Variants in DYNLRB2 observed in about 807,000 individuals in gnomAD.
The protein encoded by DYNLRB2 is bithoraxoid-like protein.
Under a neutral mutation model 12.6 loss-of-function variants are expected in DYNLRB2, and 14 were observed. The ratio of observed to expected loss-of-function variants is 1.11; its 90% CI spans 0.73 to 1.73. DYNLRB2 has a LOEUF of 1.73. DYNLRB2 is among the 40% of genes most tolerant of loss of function. The probability of loss-of-function intolerance (pLI) is 0.00; values close to 1 mark genes in which losing one functional copy is unlikely to be tolerated. For missense variants in DYNLRB2, 142 were observed against 117.7 expected, an observed-to-expected ratio of 1.21 and a Z score of -0.95; for synonymous variants, 53 against 37.0, an observed-to-expected ratio of 1.43 and a Z score of -1.57.
At chr16:80,548,594 T>TGCC (rs1904628125) in intron 2 of DYNLRB2, among the ~76,000 whole-genome samples, 4 of 151,844 alleles carry the variant, frequency 2.6e-5, no homozygotes, top group Non-Finnish European at 5.9e-5. Context: ...TGGTGGTGGG[T>TGCC]TCCTCTAATC....
chr16:80,543,783 T>C (rs778584533), intron 2 of DYNLRB2, among the ~76,000 whole-genome samples: 4 of 152,234 alleles, frequency 2.6e-5, no homozygotes, highest in Admixed American at 6.5e-5. Context: ...CATATTTTAT[T>C]TAAAAATCTT....
intron 2 of DYNLRB2, chr16:80,547,910 G>A: frequency 2.3e-6 from 1 of 443,974 alleles, no homozygotes; most frequent in South Asian, 1.6e-5. Context: ...ATACTGTTTA[G>A]CAAAACATTC....
chr16:80,550,490 A>G (rs746711483), intron 3 of DYNLRB2, 25 bp from the exon 4 acceptor site: 93 of 1,613,516 alleles, frequency 5.8e-5, no homozygotes, highest in Non-Finnish European at 7.6e-5. Flanking sequence ...TTAAGGGTGA[A>G]TTGATTTTAT....
chr16:80,542,598 G>T (rs1460030428), intron 1 of DYNLRB2, among the ~76,000 whole-genome samples: 1 of 152,090 alleles, frequency 6.6e-6, no homozygotes. Flanking sequence ...TTTTCTACAG[G>T]GGAAGAAAAC....
At chr16:80,541,111 G>A (rs1904284097) in intron 1 of DYNLRB2, 32 bp downstream of exon 1, 2 of 1,605,182 alleles carry the variant, frequency 1.2e-6, no homozygotes, top group East Asian at 4.5e-5. Flanking sequence ...ACGCCCCGCC[G>A]TTCCAAGCAC....
chr16:80,542,310 T>C (rs1356674023), intron 1 of DYNLRB2, among the ~76,000 whole-genome samples: 1 of 152,224 alleles, frequency 6.6e-6, no homozygotes, highest in African/African-American at 2.4e-5. Context: ...ATAGTATACA[T>C]GGCATTCATA....
At chr16:80,549,427 G>A (rs1185274422) in intron 2 of DYNLRB2, 57 bp from the exon 3 acceptor site, 2 of 1,479,780 alleles carry the variant, frequency 1.4e-6, no homozygotes, top group Admixed American at 4.0e-5. Context: ...CTTCCACACT[G>A]TACTTATTAC....
chr16:80,547,913 A>G (rs1904579400), intron 2 of DYNLRB2: 1 of 444,228 alleles, frequency 2.3e-6, no homozygotes, highest in Non-Finnish European at 4.5e-6. Context: ...CTGTTTAGCA[A>G]AACATTCTGG....
Position 80,541,061 on chromosome 16 carries a change from T to C in DYNLRB2, c.-16T>C. On this transcript the variant is annotated 5_prime_UTR_variant, in exon 1 of 4. Transcript: ENST00000305904. ...CTGTGCCGCCGGCCTGAGCCCAGAGTTTCGCGGCCTCCGCGATGGTAAATC... is the reference window on the plus strand; with the variant it reads ...CTGTGCCGCCGGCCTGAGCCCAGAGCTTCGCGGCCTCCGCGATGGTAAATC... 2.5e-6 allele frequency: 4 copies of C among 1,607,948 alleles called. No homozygotes were observed. In the South Asian group the frequency reaches 3.3e-5, roughly 13 times the overall value.
chr16:80,548,595 T>G (rs4530157), intron 2 of DYNLRB2, among the ~76,000 whole-genome samples: 126,535 of 151,862 alleles, frequency 0.83, 55,356 homozygotes, highest in Non-Finnish European at 0.98. Flanking sequence ...GGTGGTGGGT[T>G]CCTCTAATCT....
Position 80,550,699 on chromosome 16 carries a change from C to T in DYNLRB2, c.*141C>T, listed in dbSNP as rs770760819. On this transcript the variant is annotated 3_prime_UTR_variant, in exon 4 of 4. Coordinates refer to ENST00000305904, the MANE Select transcript of DYNLRB2 (RefSeq NM_130897.3). Reference sequence around the variant, plus strand: ...TATATCTAAACTGTTCTGCATGTCTCATTTAGTCCCTTTTGATTATATTGT... The same window carrying T: ...TATATCTAAACTGTTCTGCATGTCTTATTTAGTCCCTTTTGATTATATTGT... 4.1e-5 allele frequency: 36 copies of T among 879,898 alleles called. No individual in the cohort carries two copies. The highest frequency in any genetic ancestry group is 5.8e-5 in the Non-Finnish European group (32 of 555,316). 54.5% of individuals were successfully genotyped at this position (879,898 alleles called of 1,614,324 possible). A position where few individuals can be genotyped will look rare whatever the true frequency, so the allele number is the denominator to read the frequency against.
rs534956728 is a variant in DYNLRB2, at chr16:80,541,158, G to A, written c.3+79G>A. The A allele has an allele frequency of 2.2e-5, 33 of 1,532,736 alleles. No individual in the cohort carries two copies. In the African/African-American group the frequency reaches 2.5e-4, roughly 11 times the overall value. The allele number at this position is 1,532,736 out of a possible 1,614,324, so 94.9% of individuals were successfully genotyped here. On this transcript the variant is annotated intron_variant, in intron 1 of 3. Transcript: ENST00000305904. ...AGGACCTTCGCACCCAGCTTCTGGG[G>A]CCCACCCAGGCACGGGCGGTCCAGG... is the stretch of plus-strand genomic sequence containing the variant.
chr16:80,547,106 G>A (rs746310071), intron 2 of DYNLRB2, among the ~76,000 whole-genome samples: 1 of 152,162 alleles, frequency 6.6e-6, no homozygotes, highest in Non-Finnish European at 1.5e-5. Flanking sequence ...CTCATCAGCA[G>A]GACATATTAA....
intron 1 of DYNLRB2, among the ~76,000 whole-genome samples, chr16:80,541,951 A>G (rs1904292187): frequency 6.6e-6 from 1 of 152,230 alleles, no homozygotes; most frequent in East Asian, 1.9e-4. Flanking sequence ...GAGAAATGCT[A>G]AATAAGAGTG....
Position 80,541,027 on chromosome 16 carries a change from C to A in DYNLRB2, c.-50C>A. On this transcript the variant is annotated 5_prime_UTR_variant, in exon 1 of 4. Coordinates refer to ENST00000305904, the MANE Select transcript of DYNLRB2 (RefSeq NM_130897.3). ...CAACGGCGGGTAGCGTTGTTGACAT[C>A]CCGGGAGGCTGTGCCGCCGGCCTGA... The A allele has an allele frequency of 1.9e-6, 3 of 1,597,738 alleles. No homozygotes were observed. Among genetic ancestry groups the A allele is most frequent in the Non-Finnish European group, 2.6e-6 (3 of 1,170,272 alleles).
At chr16:80,543,739 C>T (rs1464965822) in intron 2 of DYNLRB2, among the ~76,000 whole-genome samples, 1 of 152,208 alleles carries the variant, frequency 6.6e-6, no homozygotes, top group African/African-American at 2.4e-5. Context: ...TACAGAATTT[C>T]AGTGTTTATT....
chr16:80,545,666 C>CTTTTTTGTTTTT (rs1904411062), intron 2 of DYNLRB2, among the ~76,000 whole-genome samples: 1 of 74,886 alleles, frequency 1.3e-5, no homozygotes, highest in Non-Finnish European at 2.5e-5. Flanking sequence ...CCATTAGCTT[C>CTTTTTTGTTTTT]TTTTTTTTTT....
intron 2 of DYNLRB2, chr16:80,544,693 T>A (rs1346358177): frequency 1.3e-5 from 2 of 152,226 alleles, no homozygotes; most frequent in African/African-American, 2.4e-5. Context: ...AAACGTATTC[T>A]CTTCCAGTTC....
intron 2 of DYNLRB2, among the ~76,000 whole-genome samples, chr16:80,545,666 C>CTTT (rs775659372): frequency 1.5e-4 from 11 of 74,916 alleles, no homozygotes; most frequent in Admixed American, 2.1e-4. Flanking sequence ...CCATTAGCTT[C>CTTT]TTTTTTTTTT....
Sources: allele counts gnomAD v4.1 joint callset (sites outside exome capture counted in the v4.1 genomes callset), GRCh38; gene constraint gnomAD v4.1.1; transcripts MANE v1.5; gene names NCBI Gene and HGNC (gene_info 2026-07-23, HGNC 2026-07-21).